The following MSI2 variants were observed in gnomAD, a reference collection of about 807,000 sequenced individuals.
MSI2 encodes the protein musashi RNA binding protein 2.
Under a neutral mutation model 45.6 loss-of-function variants are expected in MSI2, and 17 were observed. The ratio of observed to expected loss-of-function variants is 0.37; its 90% confidence interval spans 0.26 to 0.56. The LOEUF is 0.56. MSI2 is among the 20% of genes least tolerant of loss of function. MSI2 has a pLI of 0.77. For synonymous variants in MSI2, 156 were observed against 158.2 expected (o/e 0.99, Z 0.11); for missense variants, 293 against 444.2 (o/e 0.66, Z 3.06).
chr17:57,501,326 G>A (rs545331217), intron 6 of MSI2, among the ~76,000 whole-genome samples: 6 of 152,330 alleles, frequency 3.9e-5, no homozygotes, highest in South Asian at 2.1e-4. Context: ...TCTGCCAGAC[G>A]TGTCAAAACA....
chr17:57,468,520 C>CAAAAA (rs56105862), intron 6 of MSI2, among the ~76,000 whole-genome samples: 3 of 104,380 alleles, frequency 2.9e-5, no homozygotes, highest in Non-Finnish European at 3.7e-5. Context: ...GACTCTATCT[C>CAAAAA]AAAAAAAAAA....
chr17:57,608,742 C>T (rs1002493252), intron 8 of MSI2, among the ~76,000 whole-genome samples: 5 of 152,196 alleles, frequency 3.3e-5, no homozygotes, highest in South Asian at 2.1e-4. Flanking sequence ...GGCCAGGTGC[C>T]GTGCAGGTAC....
In MSI2 at chr17:57,552,570, A is replaced by G. The variant is rs1598393883; in HGVS notation, c.454+22846A>G. Among the ~76,000 whole-genome samples, 1 of 151,924 alleles carries G rather than the reference A, an allele frequency of 6.6e-6. No individual in the cohort carries two copies. The highest frequency in any genetic ancestry group is 2.4e-5 in the African/African-American group (1 of 41,360). ...TCTCTGAGTGTCTTTTTTAATCCCT[A>G]TTGCCCAGCAACGGCTTCCTTGGTT... On this transcript the variant is annotated intron_variant, in intron 7 of 13. Transcript: ENST00000284073. The surrounding 1 kb of genome is among the most constrained non-coding windows in gnomAD (Gnocchi z 4.3).
chr17:57,639,994 C>T (rs943001741), intron 10 of MSI2, among the ~76,000 whole-genome samples: 1 of 152,158 alleles, frequency 6.6e-6, no homozygotes, highest in Admixed American at 6.5e-5. Flanking sequence ...GAGGTGGGCC[C>T]CTGCCTGCTT....
Position 57,486,470 on chromosome 17 carries a change from T to C in MSI2, c.406-43206T>C, listed in dbSNP as rs576872144. Among the ~76,000 whole-genome samples, 11 of 152,374 alleles carry C rather than the reference T, an allele frequency of 7.2e-5. No homozygotes were observed. In the South Asian group the frequency reaches 2.3e-3, roughly 32 times the overall value. ...AAAATAGTTTGGGTCATTGGAATCA[T>C]GAAAGAAATAGTGTTTATATAACCT... On this transcript the variant is annotated intron_variant, in intron 6 of 13. Transcript: ENST00000284073.
chr17:57,297,188 G>T (rs28830816), intron 5 of MSI2, among the ~76,000 whole-genome samples: 3,054 of 115,094 alleles, frequency 0.027, 58 homozygotes, highest in Middle Eastern at 0.097. Flanking sequence ...GTTTTTTTTT[G>T]TTTTTTTTTT....
At chr17:57,629,840 G>A (rs780065037) in intron 10 of MSI2, 1 of 152,092 alleles carries the variant, frequency 6.6e-6, no homozygotes, top group Non-Finnish European at 1.5e-5. Flanking sequence ...TGTGCACTCA[G>A]CCTGCACAAC....
In MSI2 at chr17:57,652,863, G is replaced by A. The variant is rs62058130; in HGVS notation, c.790+702G>A. Among the ~76,000 whole-genome samples the A allele has an allele frequency of 1.3e-5, 2 of 152,086 alleles. No individual in the cohort carries two copies. Among genetic ancestry groups the A allele is most frequent in the African/African-American group, 4.8e-5 (2 of 41,424 alleles). On this transcript the variant is annotated intron_variant, in intron 11 of 13. Transcript: ENST00000284073. The surrounding 1 kb of genome is among the most constrained non-coding windows in gnomAD (Gnocchi z 4.1). ...TTTCCCAGCATTATCATGGGGTCAGGCCAGAGCTGGGATATGTCCAGGGTG... is the reference window on the plus strand; with the variant it reads ...TTTCCCAGCATTATCATGGGGTCAGACCAGAGCTGGGATATGTCCAGGGTG...
At chr17:57,302,016 A>T (rs1386128623) in intron 5 of MSI2, among the ~76,000 whole-genome samples, 1 of 151,952 alleles carries the variant, frequency 6.6e-6, no homozygotes, top group African/African-American at 2.4e-5. Flanking sequence ...GACTTAAAAC[A>T]TTTTTTCCAA....
intron 10 of MSI2, chr17:57,629,792 G>A (rs1056587885): frequency 1.3e-5 from 2 of 152,456 alleles, no homozygotes; most frequent in African/African-American, 2.4e-5. Flanking sequence ...CAGGTGCAAA[G>A]GCTCACGCAT....
chr17:57,664,442 C>T (rs539999063), intron 11 of MSI2, among the ~76,000 whole-genome samples: 4 of 152,086 alleles, frequency 2.6e-5, no homozygotes, highest in Middle Eastern at 3.4e-3. Flanking sequence ...TACTTGAACC[C>T]GGGAGGCCCA....
Position 57,682,539 on chromosome 17 carries a change from G to A in MSI2, c.*3022G>A. ...TTTATATACCTTTTGAAGAGACCCA[G>A]TAGCCCATAGCACAAATCTTGTGGA... On this transcript the variant is annotated 3_prime_UTR_variant, in exon 14 of 14. Coordinates refer to ENST00000284073, the MANE Select transcript of MSI2 (RefSeq NM_138962.4). The A allele has an allele frequency of 4.8e-6, 1 of 210,116 alleles. No individual in the cohort carries two copies. The highest frequency in any genetic ancestry group is 9.7e-6 in the Non-Finnish European group (1 of 103,610). 13.0% of individuals were successfully genotyped at this position (210,116 alleles called of 1,614,324 possible).
In MSI2 at chr17:57,317,635, C is replaced by A. The variant is rs906497632; in HGVS notation, c.312+55443C>A. On this transcript the variant is annotated intron_variant, in intron 5 of 13. Transcript: ENST00000284073. ...CAGTGATCCTCCTGCCTCAGCCCCC[C>A]ATGTAGCTGGGACTCCATGTTATAG... Among the ~76,000 whole-genome samples, 5 of 151,812 alleles carry A rather than the reference C, an allele frequency of 3.3e-5. No homozygotes were observed. The South Asian group carries it at 8.4e-4, about 25-fold the overall frequency.
intron 7 of MSI2, among the ~76,000 whole-genome samples, chr17:57,550,132 C>T (rs2087269040): frequency 6.6e-6 from 1 of 152,158 alleles, no homozygotes. Flanking sequence ...TCAATAGGAT[C>T]GAGAATAGCT....
intron 6 of MSI2, among the ~76,000 whole-genome samples, chr17:57,503,805 C>T (rs1257596723): frequency 2.6e-5 from 4 of 152,202 alleles, no homozygotes; most frequent in Admixed American, 1.3e-4. Flanking sequence ...AGTGCAGTCG[C>T]GCAATCGCGG....
chr17:57,256,674 G>T lies in MSI2; in HGVS notation c.-69G>T. 2 of 613,590 alleles carry T rather than the reference G, an allele frequency of 3.3e-6. No individual in the cohort carries two copies. Among genetic ancestry groups the T allele is most frequent in the Non-Finnish European group, 4.6e-6 (2 of 431,916 alleles). The allele number at this position is 613,590 out of a possible 1,614,324, so 38.0% of individuals were successfully genotyped here. On this transcript the variant is annotated 5_prime_UTR_variant, in exon 1 of 14. Transcript: ENST00000284073. ...AGCGGAGATCTCGGGGCTCGGAGCC[G>T]GCCGCCGCTCCGCTCCGATCGCTGT...
intron 7 of MSI2, among the ~76,000 whole-genome samples, chr17:57,576,396 A>T (rs958726071): frequency 5.3e-5 from 8 of 152,242 alleles, no homozygotes; most frequent in Non-Finnish European, 1.5e-5. Flanking sequence ...TGTTTGTTGT[A>T]GGAATAGATG....
At chr17:57,365,814 C>A (rs1917145404) in intron 5 of MSI2, among the ~76,000 whole-genome samples, 1 of 152,186 alleles carries the variant, frequency 6.6e-6, no homozygotes, top group Non-Finnish European at 1.5e-5. Context: ...GAACCTTATA[C>A]AGCCCATCTT....
At chr17:57,659,662 C>T (rs1274263859) in intron 11 of MSI2, among the ~76,000 whole-genome samples, 2 of 152,050 alleles carry the variant, frequency 1.3e-5, no homozygotes, top group South Asian at 2.1e-4. Flanking sequence ...CTGGAGAAGC[C>T]GTGTTTTTTA....
Sources: gnomAD v4.1 joint callset for allele counts (sites outside exome capture counted in the v4.1 genomes callset) on GRCh38, gnomAD v4.1.1 for gene constraint, Gnocchi (gnomAD v3.1) non-coding constraint, MANE v1.5 for transcripts, NCBI Gene and HGNC (gene_info 2026-07-23, HGNC 2026-07-21) for gene names.